The following ATXN1 variants were observed in gnomAD, a reference collection of about 807,000 sequenced individuals.
ATXN1 encodes the protein ataxin 1, also known as ataxin-1.
Under a neutral mutation model 56.4 loss-of-function variants are expected in ATXN1, and 8 were observed. The observed-to-expected ratio is 0.14, with a 90% confidence interval of 0.08 to 0.26. The LOEUF is 0.26. Ranked by LOEUF, ATXN1 falls within the 10% of genes least tolerant of loss-of-function variation. The pLI, the probability that ATXN1 is intolerant of heterozygous loss-of-function variation, is 1.00. For synonymous variants in ATXN1, 514 were observed against 494.6 expected (o/e 1.04, Z -0.52); for missense variants, 987 against 1,106.5 (o/e 0.89, Z 1.53).
intron 4 of ATXN1, among the ~76,000 whole-genome samples, chr6:16,552,452 T>C (rs990820295): frequency 1.6e-4 from 24 of 152,230 alleles, no homozygotes; most frequent in African/African-American, 5.5e-4. Flanking sequence ...AACGTTACGT[T>C]AGCAGAGAGA....
chr6:16,701,684 C>T lies in ATXN1; in HGVS notation c.-614-43783G>A, dbSNP rs551531279. On this transcript the variant is annotated intron_variant, in intron 2 of 7. Transcript: ENST00000436367. ...CAAAAATCACAAGCATTCTTATACA[C>T]CACTAACAGACAAACAGAGAGCCAA... is the stretch of plus-strand genomic sequence containing the variant. Among the ~76,000 whole-genome samples, 1,078 of 145,782 alleles carry T rather than the reference C, an allele frequency of 7.4e-3. 19 individuals carry two copies. Among genetic ancestry groups the T allele is most frequent in the African/African-American group, 0.028 (1,022 of 36,950 alleles).
intron 3 of ATXN1, among the ~76,000 whole-genome samples, chr6:16,598,930 G>A (rs557396252): frequency 6.6e-6 from 1 of 152,326 alleles, no homozygotes; most frequent in East Asian, 1.9e-4. Context: ...AAGAGGAGGG[G>A]TTCATGTGCA....
intron 3 of ATXN1, among the ~76,000 whole-genome samples, chr6:16,604,067 A>G (rs1309315939): frequency 6.6e-6 from 1 of 152,164 alleles, no homozygotes; most frequent in African/African-American, 2.4e-5. Flanking sequence ...GGGTCTCCTT[A>G]TCTTGTCCTC....
intron 4 of ATXN1, among the ~76,000 whole-genome samples, chr6:16,559,284 C>T (rs1762071171): frequency 6.6e-6 from 1 of 151,650 alleles, no homozygotes; most frequent in African/African-American, 2.4e-5. Flanking sequence ...ATTTCTCCTC[C>T]AGAGATCCTT....
At chr6:16,504,572 T>C (rs1478644159) in intron 5 of ATXN1, among the ~76,000 whole-genome samples, 2 of 152,158 alleles carry the variant, frequency 1.3e-5, no homozygotes, top group Non-Finnish European at 2.9e-5. Context: ...TAATTTTAAA[T>C]GTTTTTCATA....
At chr6:16,641,489 A>G (rs1763704721) in intron 3 of ATXN1, among the ~76,000 whole-genome samples, 1 of 152,250 alleles carries the variant, frequency 6.6e-6, no homozygotes, top group Non-Finnish European at 1.5e-5. Context: ...AAATGGAACA[A>G]CAAAGCCTGG....
chr6:16,500,740 A>T (rs1380775947), intron 5 of ATXN1, among the ~76,000 whole-genome samples: 1 of 131,280 alleles, frequency 7.6e-6, no homozygotes, highest in African/African-American at 3.3e-5. Flanking sequence ...CATTATGATA[A>T]AAAAAAAAAA....
chr6:16,446,833 G>A (rs147600673), intron 6 of ATXN1, among the ~76,000 whole-genome samples: 12 of 152,284 alleles, frequency 7.9e-5, no homozygotes, highest in East Asian at 1.9e-4. Flanking sequence ...TTTGCTGAGC[G>A]TGTGGTTAAT....
At position 16,327,937 on chromosome 6, in the gene ATXN1, T is replaced by G; in HGVS notation, c.374A>C (p.His125Pro). Residue 125 changes from histidine (H) to proline (P), a missense_variant, in exon 7 of 8, where the codon CAC becomes CCC. This residue lies in a region of ATXN1 where 723 missense variants were observed against 791.7 expected (regional missense o/e 0.91). Transcript: ENST00000436367. ...VSPVQYAHLP[H>P]TFQFIGSSQY... Reference sequence around the variant, plus strand: ...GGAGGACCCAATGAACTGGAAGGTGTGCGGCAGGTGAGCGTACTGCACGGG... The same window carrying G: ...GGAGGACCCAATGAACTGGAAGGTGGGCGGCAGGTGAGCGTACTGCACGGG... 1 of 1,611,806 alleles carries G rather than the reference T, an allele frequency of 6.2e-7. No individual in the cohort carries two copies. The highest frequency in any genetic ancestry group is 8.5e-7 in the Non-Finnish European group (1 of 1,179,906).
intron 3 of ATXN1, among the ~76,000 whole-genome samples, chr6:16,630,038 A>T (rs1763478430): frequency 6.6e-6 from 1 of 152,138 alleles, no homozygotes; most frequent in Non-Finnish European, 1.5e-5. Context: ...AAAGGTTAAG[A>T]TGAAAATGCT....
chr6:16,664,256 C>T (rs1758380930), intron 2 of ATXN1, among the ~76,000 whole-genome samples: 1 of 151,990 alleles, frequency 6.6e-6, no homozygotes, highest in South Asian at 2.1e-4. Flanking sequence ...AGAGTATAAG[C>T]AAAATGGCAT....
chr6:16,561,124 G>C (rs2113738969), intron 4 of ATXN1, among the ~76,000 whole-genome samples: 1 of 152,048 alleles, frequency 6.6e-6, no homozygotes, highest in Non-Finnish European at 1.5e-5. Context: ...ATGACCTTCG[G>C]AAAAATTTCT....
chr6:16,717,160 T>A (rs1026332425), intron 2 of ATXN1, among the ~76,000 whole-genome samples: 2 of 152,258 alleles, frequency 1.3e-5, no homozygotes, highest in African/African-American at 4.8e-5. Flanking sequence ...AAGAAAAGAC[T>A]GTGTCCTCAA....
chr6:16,649,947 T>C (rs1405861221), intron 3 of ATXN1, among the ~76,000 whole-genome samples: 1 of 142,620 alleles, frequency 7.0e-6, no homozygotes, highest in African/African-American at 2.5e-5. Flanking sequence ...ATAATTTCTG[T>C]TTTGTTTTTT....
chr6:16,630,717 G>C (rs1163146130), intron 3 of ATXN1, among the ~76,000 whole-genome samples: 1 of 152,112 alleles, frequency 6.6e-6, no homozygotes, highest in Non-Finnish European at 1.5e-5. Flanking sequence ...ATAAACATTA[G>C]AATATGCAGC....
intron 2 of ATXN1, among the ~76,000 whole-genome samples, chr6:16,722,784 G>A (rs1759771121): frequency 6.6e-6 from 1 of 152,138 alleles, no homozygotes; most frequent in Non-Finnish European, 1.5e-5. Flanking sequence ...AGGTTCTTTA[G>A]TGAGTCAACA....
intron 2 of ATXN1, chr6:16,666,805 T>C (rs961536993): frequency 6.2e-5 from 6 of 96,068 alleles, no homozygotes; most frequent in Admixed American, 1.1e-4. Flanking sequence ...CACCCAGCCA[T>C]GACTTTTTTT....
At chr6:16,548,328 A>G (rs1761852617) in intron 4 of ATXN1, among the ~76,000 whole-genome samples, 1 of 152,184 alleles carries the variant, frequency 6.6e-6, no homozygotes, top group African/African-American at 2.4e-5. Flanking sequence ...GTGGGTGGTG[A>G]GCGAATGTGA....
chr6:16,456,037 C>T (rs930043231), intron 6 of ATXN1, among the ~76,000 whole-genome samples: 8 of 152,154 alleles, frequency 5.3e-5, no homozygotes, highest in East Asian at 3.9e-4. Context: ...GGAATAAAAG[C>T]GGGCCACCCC....
Sources: gnomAD v4.1 joint callset for allele counts (sites outside exome capture counted in the v4.1 genomes callset) on GRCh38, gnomAD v4.1.1 for gene constraint, gnomAD v4.1.1 regional missense constraint, MANE v1.5 for transcripts, NCBI Gene and HGNC (gene_info 2026-07-23, HGNC 2026-07-21) for gene names.